The following RUBCN variants were observed in gnomAD, a reference collection of about 807,000 sequenced individuals.
The protein encoded by RUBCN is rubicon autophagy regulator.
In RUBCN, 74 loss-of-function variants were observed where a neutral mutation model predicts 113.2. The ratio of observed to expected loss-of-function variants is 0.65; its 90% confidence interval spans 0.54 to 0.79. RUBCN has a LOEUF of 0.79. Ranked by LOEUF, RUBCN falls within the 30% of genes least tolerant of loss-of-function variation. The pLI, the probability that RUBCN is intolerant of heterozygous loss-of-function variation, is 0.00. For synonymous variants in RUBCN, 480 were observed against 490.0 expected (o/e 0.98, Z 0.27); for missense variants, 1,109 against 1,251.7 (o/e 0.89, Z 1.72).
intron 4 of RUBCN, 98 bp downstream of exon 4, chr3:197,704,444 A>G: frequency 8.1e-7 from 1 of 1,228,066 alleles, no homozygotes; most frequent in South Asian, 1.2e-5. Context: ...CAAAGAAAAA[A>G]AGAAAAATAG....
chr3:197,725,252 T>C (rs1726600919), intron 1 of RUBCN, among the ~76,000 whole-genome samples: 1 of 152,072 alleles, frequency 6.6e-6, no homozygotes, highest in East Asian at 1.9e-4. Context: ...TAATTATTGG[T>C]AACACTGAGG....
Position 197,669,457 on chromosome 3 carries a change from GTTGT to G in RUBCN, c.*5557_*5560del, listed in dbSNP as rs1190174260. ...CCTCGAATTTTGCTCCTGTGTTTAT[GTTGT>G]TTGTTGTTTTTCTCATGATTAGACT... On this transcript the variant is annotated 3_prime_UTR_variant, in exon 20 of 20. Coordinates refer to ENST00000296343, the MANE Select transcript of RUBCN (RefSeq NM_014687.4). 6.6e-6 allele frequency among the ~76,000 whole-genome samples: 1 copy of G among 152,154 alleles called. No individual in the cohort carries two copies. The highest frequency in any genetic ancestry group is 2.4e-5 in the African/African-American group (1 of 41,426).
intron 16 of RUBCN, 46 bp from the exon 17 acceptor site, chr3:197,677,587 A>G: frequency 6.4e-7 from 1 of 1,572,574 alleles, no homozygotes; most frequent in Non-Finnish European, 8.7e-7. Context: ...AGATGTGAGA[A>G]GAGGAATCCA....
chr3:197,736,830 C>T lies in RUBCN; in HGVS notation c.-111G>A. 3 of 1,415,882 alleles carry T rather than the reference C, an allele frequency of 2.1e-6. No individual in the cohort carries two copies. Among genetic ancestry groups the T allele is most frequent in the Non-Finnish European group, 1.8e-6 (2 of 1,094,230 alleles). 87.7% of individuals were successfully genotyped at this position (1,415,882 alleles called of 1,614,324 possible). The stretch of plus-strand genomic sequence containing the variant: ...AGGAGGCACCTGCGGCCGGTGGGCT[C>T]CGGGTGATGCGCTACACCCGGGCGG... On this transcript the variant is annotated 5_prime_UTR_variant, in exon 1 of 20. Transcript: ENST00000296343.
chr3:197,740,818 A>T (rs1319639402), upstream of RUBCN, among the ~76,000 whole-genome samples: 1 of 152,002 alleles, frequency 6.6e-6, no homozygotes. Context: ...ACGGGGTTTC[A>T]TCATGTTGGC....
chr3:197,693,996 TTC>T, intron 10 of RUBCN, 180 bp from the exon 11 acceptor site: 1 of 602,644 alleles, frequency 1.7e-6, no homozygotes, highest in Non-Finnish European at 2.9e-6. Context: ...GGGAGCAGTG[TTC>T]TTAGGTCTCC....
At chr3:197,682,758 C>A in intron 13 of RUBCN, 143 bp from the exon 14 acceptor site, 1 of 1,079,006 alleles carries the variant, frequency 9.3e-7, no homozygotes, top group East Asian at 2.6e-5. Context: ...AACAGAAATG[C>A]GGGACCCTTT....
At position 197,704,614 on chromosome 3, in the gene RUBCN, G is replaced by T; in HGVS notation, c.391C>A (p.Gln131Lys). 1.2e-6 allele frequency: 2 copies of T among 1,614,114 alleles called. No homozygotes were observed. Among genetic ancestry groups the T allele is most frequent in the Non-Finnish European group, 1.7e-6 (2 of 1,179,938 alleles). The change falls in exon 4 of 20, where the codon CAG (glutamine) becomes AAG (lysine). Residue 131 changes from glutamine to lysine, a missense_variant. Gln to Lys is a moderately conservative substitution (Grantham distance 53). Transcript: ENST00000296343. The part of the protein sequence containing the change: ...VAELWLQHSL[Q>K]YHCLSAQLRP... ...AGCTGGGCTGAGAGGCAGTGGTACT[G>T]CAGGCTGTGCTGCAGCCACAGCTCG...
chr3:197,722,975 T>C (rs1405798843), intron 1 of RUBCN, among the ~76,000 whole-genome samples: 1 of 152,156 alleles, frequency 6.6e-6, no homozygotes, highest in African/African-American at 2.4e-5. Context: ...TAATTATCGA[T>C]AAGTAAGGTC....
rs555656024 is a variant in RUBCN at position 197,675,576 on chromosome 3, G to A, written c.2647-61C>T. 1.1e-4 allele frequency: 144 copies of A among 1,266,960 alleles called. 1 individual carries two copies. In the East Asian group the frequency reaches 3.1e-3, roughly 28 times the overall value. The allele number at this position is 1,266,960 out of a possible 1,614,324, so 78.5% of individuals were successfully genotyped here. A position where few individuals can be genotyped will look rare whatever the true frequency, so the allele number is the denominator to read the frequency against. The stretch of plus-strand genomic sequence containing the variant: ...CGGCACATCAGGAACTGGCACGGGA[G>A]GGTGAACACCGAGGAGGGGAGTGGT... On this transcript the variant is annotated intron_variant, in intron 18 of 19. Coordinates refer to ENST00000296343, the MANE Select transcript of RUBCN (RefSeq NM_014687.4). The surrounding 1 kb of genome is among the most constrained non-coding windows in gnomAD (Gnocchi z 4.4).
Position 197,682,000 on chromosome 3 carries a change from G to T in RUBCN, c.2127-101C>A. ...CATACATACAGCTCCAGTTAAGTAT[G>T]GGAAGAGAGGGGAATTCACCTACAT... On this transcript the variant is annotated intron_variant, in intron 14 of 19. Transcript: ENST00000296343. The surrounding 1 kb of genome is among the most constrained non-coding windows in gnomAD (Gnocchi z 5.5). 1.2e-6 allele frequency: 1 copy of T among 867,142 alleles called. No individual in the cohort carries two copies. The highest frequency in any genetic ancestry group is 2.5e-5 in the East Asian group (1 of 39,948). 53.7% of individuals were successfully genotyped at this position (867,142 alleles called of 1,614,324 possible).
rs377480775 is a variant in RUBCN at position 197,677,473 on chromosome 3, G to A, written c.2492+7C>T. The A allele has an allele frequency of 1.2e-6, 2 of 1,613,064 alleles. No homozygotes were observed. The highest frequency in any genetic ancestry group is 1.3e-5 in the African/African-American group (1 of 75,044). On this transcript the variant is annotated splice_region_variant and intron_variant, in intron 17 of 19. Transcript: ENST00000296343. ...GGCCAGAGGGCTCTAGCTCCAAAAG[G>A]ACTTACTCCTTGGCCAGTCGGCAAG...
chr3:197,740,534 T>C (rs1728484574), upstream of RUBCN, among the ~76,000 whole-genome samples: 2 of 152,180 alleles, frequency 1.3e-5, no homozygotes, highest in South Asian at 4.1e-4. Flanking sequence ...TGAACCATAA[T>C]TGGATAATAG....
intron 2 of RUBCN, among the ~76,000 whole-genome samples, chr3:197,717,348 C>G (rs1320181309): frequency 2.0e-5 from 3 of 150,298 alleles, no homozygotes; most frequent in East Asian, 2.0e-4. Flanking sequence ...GGAGGCTGAG[C>G]CAGGAGAATG....
At chr3:197,704,454 G>A in intron 4 of RUBCN, 88 bp downstream of exon 4, 1 of 1,274,514 alleles carries the variant, frequency 7.8e-7, no homozygotes, top group Non-Finnish European at 1.1e-6. Flanking sequence ...AAGAAAAATA[G>A]GAGGCCCTGG....
chr3:197,720,278 G>C (rs544745902), intron 1 of RUBCN, among the ~76,000 whole-genome samples: 11 of 152,124 alleles, frequency 7.2e-5, no homozygotes, highest in Non-Finnish European at 1.6e-4. Context: ...CTGTCTTTCT[G>C]TGCCTGGCTT....
rs973062341 is a variant in RUBCN at position 197,672,350 on chromosome 3, C to T, written c.*2668G>A. Reference sequence around the variant, plus strand: ...CTTCAGTGCATTCAAAGCTTCTCCCCGCAACAGCAGGGGATTTTCAGATAG... The same window carrying T: ...CTTCAGTGCATTCAAAGCTTCTCCCTGCAACAGCAGGGGATTTTCAGATAG... On this transcript the variant is annotated 3_prime_UTR_variant, in exon 20 of 20. Transcript: ENST00000296343. The T allele has an allele frequency of 1.3e-5, 2 of 152,176 alleles. No individual in the cohort carries two copies. The highest frequency in any genetic ancestry group is 2.4e-5 in the African/African-American group (1 of 41,428). The allele number at this position is 152,176 out of a possible 1,614,324, so 9.4% of individuals were successfully genotyped here.
At chr3:197,685,679 G>T (rs188607528) in intron 11 of RUBCN, among the ~76,000 whole-genome samples, 1 of 152,128 alleles carries the variant, frequency 6.6e-6, no homozygotes. Context: ...ACAAGACATC[G>T]ACACATTTTT....
At chr3:197,691,203 T>C in intron 11 of RUBCN, 1 of 882,620 alleles carries the variant, frequency 1.1e-6, no homozygotes, top group Non-Finnish European at 1.6e-6. Context: ...GGAAATAAAC[T>C]AATATTCTAT....
Sources: gnomAD v4.1 joint callset for allele counts (sites outside exome capture counted in the v4.1 genomes callset) on GRCh38, gnomAD v4.1.1 for gene constraint, Gnocchi (gnomAD v3.1) non-coding constraint, MANE v1.5 for transcripts, NCBI Gene and HGNC (gene_info 2026-07-23, HGNC 2026-07-21) for gene names.